CRYL1: variants seen among roughly 807,000 people sequenced by gnomAD.
The protein encoded by CRYL1 is crystallin lambda 1.
CRYL1 carries 29 observed loss-of-function variants against 36.6 expected under a neutral mutation model. The ratio of observed to expected loss-of-function variants is 0.79; its 90% CI spans 0.59 to 1.08. CRYL1 has a LOEUF of 1.08. CRYL1 is among the 50% of genes least tolerant of loss of function. CRYL1 has a pLI of 0.00. For synonymous variants in CRYL1, 152 were observed against 151.5 expected (o/e 1.00, Z -0.02); for missense variants, 411 against 407.9 (o/e 1.01, Z -0.06).
chr13:20,495,728 C>A (rs1481803373), intron 2 of CRYL1, among the ~76,000 whole-genome samples: 1 of 152,202 alleles, frequency 6.6e-6, no homozygotes, highest in Admixed American at 6.5e-5. Flanking sequence ...AAGAAGCAAG[C>A]AATCCAAAAG....
At chr13:20,477,830 A>G (rs2137456176) in intron 3 of CRYL1, among the ~76,000 whole-genome samples, 1 of 145,864 alleles carries the variant, frequency 6.9e-6, no homozygotes, top group South Asian at 2.1e-4. Context: ...ATACTAAAAT[A>G]TAATATACTA....
At chr13:20,515,881 A>T (rs1047281263) in intron 1 of CRYL1, 2 of 152,260 alleles carry the variant, frequency 1.3e-5, no homozygotes, top group African/African-American at 4.8e-5. Context: ...ACTGAACTGT[A>T]CACTAAGAAC....
intron 3 of CRYL1, among the ~76,000 whole-genome samples, chr13:20,453,409 G>GAAATATTCTAATATATTTGAATATTTTA (rs2032613172): frequency 7.6e-6 from 1 of 131,918 alleles, no homozygotes; most frequent in African/African-American, 3.8e-5. Flanking sequence ...TGAATATTTT[G>GAAATATTCTAATATATTTGAATATTTTA]AAATATTCTA....
At chr13:20,424,005 G>A (rs976496378) in intron 5 of CRYL1, among the ~76,000 whole-genome samples, 8 of 151,952 alleles carry the variant, frequency 5.3e-5, no homozygotes, top group African/African-American at 1.5e-4. Context: ...TCCTGACCTC[G>A]TGATTCCCCT....
chr13:20,430,724 C>G lies in CRYL1; in HGVS notation c.633+1378G>C, dbSNP rs187952071. 9.1e-6 allele frequency: 9 copies of G among 985,296 alleles called. No individual in the cohort carries two copies. The East Asian group carries it at 7.9e-4, about 87-fold the overall frequency. The allele number at this position is 985,296 out of a possible 1,614,324, so 61.0% of individuals were successfully genotyped here. A position where few individuals can be genotyped will look rare whatever the true frequency, so the allele number is the denominator to read the frequency against. ...GGAGAAAGCAAGAGTTTACTCAGGG[C>G]GCTAAAATATCTTACAAATAAAAAG... On this transcript the variant is annotated intron_variant, in intron 5 of 7. Transcript: ENST00000298248.
chr13:20,499,812 T>C (rs1407492211), intron 2 of CRYL1, among the ~76,000 whole-genome samples: 1 of 152,250 alleles, frequency 6.6e-6, no homozygotes, highest in Non-Finnish European at 1.5e-5. Context: ...ATTATGATTT[T>C]CATGTTAAAT....
chr13:20,518,811 C>T (rs1015411061), intron 1 of CRYL1, among the ~76,000 whole-genome samples: 4 of 152,072 alleles, frequency 2.6e-5, no homozygotes, highest in African/African-American at 9.7e-5. Flanking sequence ...GCAGTATTTT[C>T]ACAGTACAGC....
At chr13:20,506,787 C>A (rs1261602385) in intron 2 of CRYL1, among the ~76,000 whole-genome samples, 1 of 152,156 alleles carries the variant, frequency 6.6e-6, no homozygotes, top group East Asian at 1.9e-4. Flanking sequence ...TAGCAGCGAG[C>A]AAACTACAGC....
At chr13:20,488,408 G>C (rs1013294529) in intron 3 of CRYL1, among the ~76,000 whole-genome samples, 1 of 152,188 alleles carries the variant, frequency 6.6e-6, no homozygotes, top group African/African-American at 2.4e-5. Context: ...TCCTCTCCTT[G>C]TGTTCTGTTG....
At chr13:20,480,024 A>C (rs1265990595) in intron 3 of CRYL1, among the ~76,000 whole-genome samples, 3 of 152,220 alleles carry the variant, frequency 2.0e-5, no homozygotes, top group Non-Finnish European at 4.4e-5. Flanking sequence ...CTAAGTCAAA[A>C]TCGCAACACA....
chr13:20,475,634 G>T (rs2033150840), intron 3 of CRYL1, among the ~76,000 whole-genome samples: 1 of 152,134 alleles, frequency 6.6e-6, no homozygotes, highest in Non-Finnish European at 1.5e-5. Flanking sequence ...ATGCACAGTA[G>T]TTCCCATTAG....
chr13:20,416,184 A>G (rs4769108), intron 5 of CRYL1, among the ~76,000 whole-genome samples: 121,472 of 152,168 alleles, frequency 0.8, 48,716 homozygotes, highest in African/African-American at 0.86. Flanking sequence ...GTATCTCACC[A>G]GGTTTCCTTC....
intron 3 of CRYL1, among the ~76,000 whole-genome samples, chr13:20,453,865 T>C (rs1294074237): frequency 6.6e-6 from 1 of 152,102 alleles, no homozygotes; most frequent in Non-Finnish European, 1.5e-5. Context: ...TAAAGCAATA[T>C]TATGAATAAT....
chr13:20,431,374 G>A lies in CRYL1; in HGVS notation c.633+728C>T, dbSNP rs140642298. On this transcript the variant is annotated intron_variant, in intron 5 of 7. Coordinates refer to ENST00000298248, the MANE Select transcript of CRYL1 (RefSeq NM_015974.3). ...TCCACAATGTTTTTGCAACACAGGC[G>A]TGGGCAGAGTCTTGCCTTCCCCCTG... The A allele has an allele frequency of 1.6e-5, 16 of 985,378 alleles. No homozygotes were observed. The East Asian group carries it at 3.4e-4, about 21-fold the overall frequency. 61.0% of individuals were successfully genotyped at this position (985,378 alleles called of 1,614,324 possible).
At chr13:20,484,518 A>G (rs1025650363) in intron 3 of CRYL1, among the ~76,000 whole-genome samples, 1 of 152,182 alleles carries the variant, frequency 6.6e-6, no homozygotes, top group Non-Finnish European at 1.5e-5. Flanking sequence ...CTAAAAATAC[A>G]AAAATCAGCT....
intron 3 of CRYL1, among the ~76,000 whole-genome samples, chr13:20,443,766 C>T (rs2032398243): frequency 6.6e-6 from 1 of 152,188 alleles, no homozygotes; most frequent in Admixed American, 6.5e-5. Context: ...CTGGAAGCAG[C>T]TTTCAACGTG....
intron 2 of CRYL1, among the ~76,000 whole-genome samples, chr13:20,507,731 A>G (rs1405185790): frequency 6.6e-6 from 1 of 152,004 alleles, no homozygotes; most frequent in Non-Finnish European, 1.5e-5. Flanking sequence ...ATCCTGGCTA[A>G]CACAGTGAAA....
intron 3 of CRYL1, among the ~76,000 whole-genome samples, chr13:20,459,235 C>CAA (rs61255031): frequency 0.38 from 29,404 of 77,620 alleles, 5,129 homozygotes; most frequent in South Asian, 0.5. Context: ...GACTCCATCT[C>CAA]AAAAAAAAAA....
chr13:20,431,724 A>G, intron 5 of CRYL1: 2 of 1,162,606 alleles, frequency 1.7e-6, no homozygotes, highest in Non-Finnish European at 2.1e-6. Context: ...GTTTACACAA[A>G]ATATAATTTT....
Sources: allele counts gnomAD v4.1 joint callset (sites outside exome capture counted in the v4.1 genomes callset), GRCh38; gene constraint gnomAD v4.1.1; transcripts MANE v1.5; gene names NCBI Gene and HGNC (gene_info 2026-07-23, HGNC 2026-07-21).